Variants in PPP1R17 observed in about 807,000 individuals in gnomAD.
PPP1R17 encodes the protein protein phosphatase 1 regulatory subunit 17, also known as G-substrate.
Under a neutral mutation model 15.9 loss-of-function variants are expected in PPP1R17, and 12 were observed. That is an observed-to-expected ratio of 0.75 (90% CI 0.48 to 1.22). PPP1R17 has a LOEUF of 1.22. Among genes scored for constraint, PPP1R17 ranks in the 50% most tolerant of loss-of-function variants. The pLI, the probability that PPP1R17 is intolerant of heterozygous loss-of-function variation, is 0.00. For synonymous variants in PPP1R17, 63 were observed against 64.5 expected, an observed-to-expected ratio of 0.98 and a Z score of 0.11; for missense variants, 211 against 187.3, an observed-to-expected ratio of 1.13 and a Z score of -0.74.
rs1231851599 is a variant in PPP1R17 at position 31,708,008 on chromosome 7, G to T, written c.*725G>T. On this transcript the variant is annotated 3_prime_UTR_variant, in exon 5 of 5. Transcript: ENST00000342032. ...CATGCTGTCCCAACATTTGTGAGTTGTGTCACAAGTGAGTCATTATCAATG... is the reference window on the plus strand; with the variant it reads ...CATGCTGTCCCAACATTTGTGAGTTTTGTCACAAGTGAGTCATTATCAATG... 6.6e-6 allele frequency: 1 copy of T among 152,178 alleles called. No homozygotes were observed. Among genetic ancestry groups the T allele is most frequent in the East Asian group, 1.9e-4 (1 of 5,194 alleles). 9.4% of individuals were successfully genotyped at this position (152,178 alleles called of 1,614,324 possible). A position where few individuals can be genotyped will look rare whatever the true frequency, so the allele number is the denominator to read the frequency against.
At chr7:31,707,122 C>T (rs1300462817) in intron 4 of PPP1R17, 82 bp from the exon 5 acceptor site, 2 of 1,319,788 alleles carry the variant, frequency 1.5e-6, no homozygotes, top group South Asian at 1.3e-5. Context: ...TTGCCATGCT[C>T]CTTTGTACTG....
At chr7:31,687,489 G>A (rs1792151325) in intron 1 of PPP1R17, among the ~76,000 whole-genome samples, 183 bp downstream of exon 1, 1 of 152,206 alleles carries the variant, frequency 6.6e-6, no homozygotes, top group African/African-American at 2.4e-5. Context: ...TTCCAAGGGA[G>A]GGAATGGAGT....
At chr7:31,705,970 A>T (rs1562706525) in intron 4 of PPP1R17, among the ~76,000 whole-genome samples, 1 of 133,530 alleles carries the variant, frequency 7.5e-6, no homozygotes, top group Non-Finnish European at 1.6e-5. Context: ...AGACTTCTGA[A>T]TTTCACAGAC....
chr7:31,691,065 C>T (rs1011687070), intron 1 of PPP1R17, among the ~76,000 whole-genome samples: 2 of 152,218 alleles, frequency 1.3e-5, no homozygotes, highest in East Asian at 1.9e-4. Flanking sequence ...TCCTGATGGT[C>T]GCAGGGAGTT....
At chr7:31,699,363 C>T (rs767438618) in intron 4 of PPP1R17, among the ~76,000 whole-genome samples, 4 of 152,126 alleles carry the variant, frequency 2.6e-5, no homozygotes, top group Non-Finnish European at 5.9e-5. Context: ...CAAGCTAGCA[C>T]GGTCTCCCGT....
At chr7:31,697,289 A>G (rs1792629535) in intron 4 of PPP1R17, among the ~76,000 whole-genome samples, 172 bp downstream of exon 4, 1 of 152,164 alleles carries the variant, frequency 6.6e-6, no homozygotes, top group Admixed American at 6.5e-5. Flanking sequence ...TATCTCTACT[A>G]GTAGCTCCCC....
chr7:31,688,520 T>A (rs1042538283), intron 1 of PPP1R17, among the ~76,000 whole-genome samples: 3 of 152,250 alleles, frequency 2.0e-5, no homozygotes, highest in Non-Finnish European at 4.4e-5. Context: ...CTTTCTGCAA[T>A]ATAGTGGGGT....
rs890307972 is a variant in PPP1R17 at position 31,707,429 on chromosome 7, T to C, written c.*146T>C. The stretch of plus-strand genomic sequence containing the variant: ...CCTTCTCCCCAGGAGATGTATGCCA[T>C]CAAATTGCCAGTCACCTCTTTGTCT... On this transcript the variant is annotated 3_prime_UTR_variant, in exon 5 of 5. Transcript: ENST00000342032. The C allele has an allele frequency of 1.6e-6, 1 of 625,866 alleles. No individual in the cohort carries two copies. The highest frequency in any genetic ancestry group is 2.8e-6 in the Non-Finnish European group (1 of 361,868). 38.8% of individuals were successfully genotyped at this position (625,866 alleles called of 1,614,324 possible).
chr7:31,690,685 G>C (rs1268775431), intron 1 of PPP1R17, among the ~76,000 whole-genome samples: 2 of 152,308 alleles, frequency 1.3e-5, no homozygotes, highest in East Asian at 3.9e-4. Flanking sequence ...ACAGCCATAG[G>C]ATCCAAGTTA....
intron 4 of PPP1R17, among the ~76,000 whole-genome samples, chr7:31,700,091 A>G (rs527342264): frequency 5.3e-5 from 8 of 152,314 alleles, no homozygotes; most frequent in Non-Finnish European, 1.2e-4. Context: ...CTTTAAATCA[A>G]AAGCTAGAAA....
chr7:31,703,554 T>C (rs1168500975), intron 4 of PPP1R17, among the ~76,000 whole-genome samples: 1 of 152,254 alleles, frequency 6.6e-6, no homozygotes, highest in Non-Finnish European at 1.5e-5. Flanking sequence ...TGTGTGATTC[T>C]AGCTTTCATT....
chr7:31,702,296 C>T (rs1031320916), intron 4 of PPP1R17, among the ~76,000 whole-genome samples: 9 of 151,874 alleles, frequency 5.9e-5, no homozygotes, highest in African/African-American at 2.2e-4. Context: ...TGTTTTCAGA[C>T]TTGCTAGGAA....
Position 31,699,413 on chromosome 7 carries a change from C to T in PPP1R17, c.388+2296C>T, listed in dbSNP as rs116621703. Among the ~76,000 whole-genome samples, 1,000 of 152,300 alleles carry T rather than the reference C, an allele frequency of 6.6e-3. 9 individuals carry two copies. The highest frequency in any genetic ancestry group is 0.023 in the African/African-American group (952 of 41,574). On this transcript the variant is annotated intron_variant, in intron 4 of 4. Transcript: ENST00000342032. Reference sequence around the variant, plus strand: ...AGAGGATTTTTTGGCAGTATTCTGTCTTCTTTCAGAGCAGTTTTAATATTG... The same window carrying T: ...AGAGGATTTTTTGGCAGTATTCTGTTTTCTTTCAGAGCAGTTTTAATATTG...
intron 4 of PPP1R17, among the ~76,000 whole-genome samples, chr7:31,699,177 G>T (rs1339580083): frequency 2.8e-5 from 2 of 72,310 alleles, no homozygotes; most frequent in Non-Finnish European, 5.1e-5. Flanking sequence ...AAGAGGAAAG[G>T]TTCTGAGGAC....
At chr7:31,699,451 A>C (rs1261813871) in intron 4 of PPP1R17, among the ~76,000 whole-genome samples, 1 of 152,230 alleles carries the variant, frequency 6.6e-6, no homozygotes, top group Non-Finnish European at 1.5e-5. Context: ...CAAGGGGTCC[A>C]GAGATCTTGG....
intron 4 of PPP1R17, among the ~76,000 whole-genome samples, chr7:31,703,474 C>T (rs913029875): frequency 3.3e-5 from 5 of 152,184 alleles, no homozygotes; most frequent in African/African-American, 9.6e-5. Flanking sequence ...TAACCATAGC[C>T]TCTGTATGCA....
intron 3 of PPP1R17, among the ~76,000 whole-genome samples, chr7:31,696,299 CAT>C (rs1259944670): frequency 2.0e-5 from 3 of 152,166 alleles, no homozygotes; most frequent in Admixed American, 6.5e-5. Flanking sequence ...ACAAATGAAA[CAT>C]AGATCTTTCT....
intron 1 of PPP1R17, among the ~76,000 whole-genome samples, chr7:31,688,811 T>G (rs1013730839): frequency 6.6e-6 from 1 of 152,226 alleles, no homozygotes; most frequent in African/African-American, 2.4e-5. Flanking sequence ...TCTTGCATAC[T>G]ACACTGAATA....
intron 4 of PPP1R17, among the ~76,000 whole-genome samples, chr7:31,699,974 CT>C (rs934459731): frequency 5.3e-5 from 8 of 152,114 alleles, no homozygotes; most frequent in Non-Finnish European, 8.8e-5. Context: ...TCCCTCTCCC[CT>C]GGCTTCCCTA....
Sources: allele counts gnomAD v4.1 joint callset (sites outside exome capture counted in the v4.1 genomes callset), GRCh38; gene constraint gnomAD v4.1.1; transcripts MANE v1.5; gene names NCBI Gene and HGNC (gene_info 2026-07-23, HGNC 2026-07-21).